Variants in HUNK observed in about 807,000 individuals in gnomAD.
HUNK encodes the protein hormonally up-regulated neu tumor-associated kinase.
A neutral mutation model predicts 61.0 loss-of-function variants in HUNK; 21 were observed. The ratio of observed to expected loss-of-function variants is 0.34; its 90% CI spans 0.24 to 0.50. The LOEUF (loss-of-function observed/expected upper bound fraction) is 0.50. Among genes scored for constraint, HUNK ranks in the 20% least tolerant of loss-of-function variants. The pLI, the probability that HUNK is intolerant of heterozygous loss-of-function variation, is 0.98. For synonymous variants in HUNK, 371 were observed against 386.1 expected, an observed-to-expected ratio of 0.96 and a Z score of 0.46; for missense variants, 772 against 945.7, an observed-to-expected ratio of 0.82 and a Z score of 2.41.
In HUNK at chr21:32,000,663, A is replaced by G. The variant is rs28438002; in HGVS notation, c.*1479A>G. 0.12 allele frequency: 46,821 copies of G among 398,942 alleles called. 3,174 individuals carry two copies. The highest frequency in any genetic ancestry group is 0.14 in the Non-Finnish European group (32,473 of 226,092). The allele number at this position is 398,942 out of a possible 1,614,324, so 24.7% of individuals were successfully genotyped here. ...CCACCTCAGATAGTCATCTCAGTCCAAGGATCCCAAAACACAAATCTAGAA... is the reference window on the plus strand; with the variant it reads ...CCACCTCAGATAGTCATCTCAGTCCGAGGATCCCAAAACACAAATCTAGAA... On this transcript the variant is annotated 3_prime_UTR_variant, in exon 11 of 11. Transcript: ENST00000270112.
chr21:31,876,437 T>G (rs1183955453), intron 1 of HUNK, among the ~76,000 whole-genome samples: 1 of 152,194 alleles, frequency 6.6e-6, no homozygotes, highest in Admixed American at 6.5e-5. Flanking sequence ...ACTAATAGAT[T>G]TGGGTTTTAG....
At chr21:31,983,449 T>A in intron 7 of HUNK, 77 bp from the exon 8 acceptor site, 1 of 1,202,156 alleles carries the variant, frequency 8.3e-7, no homozygotes, top group Non-Finnish European at 1.2e-6. Flanking sequence ...AAGCGCTGGT[T>A]TAAAAATTAA....
intron 6 of HUNK, among the ~76,000 whole-genome samples, chr21:31,973,964 C>T (rs1029547172): frequency 2.0e-5 from 3 of 152,134 alleles, no homozygotes; most frequent in Admixed American, 6.6e-5. Flanking sequence ...CCCACTTTGC[C>T]GCTGAGCCCT....
chr21:31,873,678 C>CCGG lies in HUNK; in HGVS notation c.14_16dup (p.Ala5dup). The CCGG allele has an allele frequency of 2.0e-6, 2 of 1,014,936 alleles. No homozygotes were observed. Among genetic ancestry groups the CCGG allele is most frequent in the South Asian group, 9.0e-5 (2 of 22,306 alleles). 62.9% of individuals were successfully genotyped at this position (1,014,936 alleles called of 1,614,324 possible). On this transcript the variant is annotated inframe_insertion, in exon 1 of 11. Transcript: ENST00000270112. The surrounding 1 kb of genome is among the most constrained non-coding windows in gnomAD (Gnocchi z 6.1). ...CGCGCGGGCCGCGGCGAGCGCGATG[C>CCGG]CGGCGGCGGCGGGGGACGGGCTCCT...
At chr21:31,880,671 T>A (rs935270880) in intron 1 of HUNK, among the ~76,000 whole-genome samples, 1 of 152,190 alleles carries the variant, frequency 6.6e-6, no homozygotes, top group South Asian at 2.1e-4. Context: ...ATCTACAAAG[T>A]CCCTATTTTC....
chr21:31,959,060 A>G, intron 5 of HUNK, 90 bp downstream of exon 5: 1 of 1,260,576 alleles, frequency 7.9e-7, no homozygotes, highest in South Asian at 1.7e-5. Context: ...TTTTGCAGTA[A>G]TGGTGTTATG....
At chr21:31,887,189 G>T (rs964219951) in intron 1 of HUNK, among the ~76,000 whole-genome samples, 2 of 152,188 alleles carry the variant, frequency 1.3e-5, no homozygotes, top group African/African-American at 4.8e-5. Context: ...AGGCACCTAG[G>T]TATCTGAGTG....
intron 4 of HUNK, among the ~76,000 whole-genome samples, chr21:31,950,152 A>G (rs1022186367): frequency 6.6e-6 from 1 of 152,194 alleles, no homozygotes; most frequent in African/African-American, 2.4e-5. Flanking sequence ...GTATTTTAAA[A>G]TGCTATAAAC....
At chr21:31,932,013 A>G (rs1601384635) in intron 2 of HUNK, among the ~76,000 whole-genome samples, 2 of 119,702 alleles carry the variant, frequency 1.7e-5, no homozygotes, top group Admixed American at 1.8e-4. Flanking sequence ...ATGTGCAAAC[A>G]TGTGTACATT....
chr21:31,919,194 G>A (rs531980763), intron 1 of HUNK, among the ~76,000 whole-genome samples: 1 of 151,274 alleles, frequency 6.6e-6, no homozygotes, highest in East Asian at 2.0e-4. Context: ...GGGCTGGACT[G>A]AGCGGTATGA....
At chr21:31,882,549 C>G (rs547594881) in intron 1 of HUNK, among the ~76,000 whole-genome samples, 1 of 152,242 alleles carries the variant, frequency 6.6e-6, no homozygotes, top group South Asian at 2.1e-4. Flanking sequence ...TTTATTGATA[C>G]ATAATATTTT....
Position 31,958,773 on chromosome 21 carries a change from G to A in HUNK, c.747-70G>A, listed in dbSNP as rs114171017. 507 of 1,446,302 alleles carry A rather than the reference G, an allele frequency of 3.5e-4. 1 individual carries two copies. In the African/African-American group the frequency reaches 6.5e-3, roughly 19 times the overall value. The allele number at this position is 1,446,302 out of a possible 1,614,324, so 89.6% of individuals were successfully genotyped here. On this transcript the variant is annotated intron_variant, in intron 4 of 10. Coordinates refer to ENST00000270112, the MANE Select transcript of HUNK (RefSeq NM_014586.2). Reference sequence around the variant, plus strand: ...GCAGCAGCTCCCACGCTTCGGTGAAGCCCGTGTCCCCAGTCTTCCCCTCCC... The same window carrying A: ...GCAGCAGCTCCCACGCTTCGGTGAAACCCGTGTCCCCAGTCTTCCCCTCCC...
Position 32,000,937 on chromosome 21 carries a change from T to C in HUNK, c.*1753T>C, listed in dbSNP as rs1568946813. On this transcript the variant is annotated 3_prime_UTR_variant, in exon 11 of 11. Coordinates refer to ENST00000270112, the MANE Select transcript of HUNK (RefSeq NM_014586.2). ...ACCCCTTGGCCATTGGTGTTATTTT[T>C]TGTATAGCTTCAGACTGGGTTCCAG... The C allele has an allele frequency of 7.6e-6, 3 of 392,894 alleles. No homozygotes were observed. The South Asian group carries it at 4.3e-4, about 56-fold the overall frequency. 24.3% of individuals were successfully genotyped at this position (392,894 alleles called of 1,614,324 possible).
In HUNK at chr21:31,990,210, G is replaced by A. The variant is rs145117363; in HGVS notation, c.1305+34G>A. The A allele has an allele frequency of 1.8e-4, 278 of 1,573,536 alleles. 1 individual carries two copies. In the African/African-American group the frequency reaches 3.1e-3, roughly 18 times the overall value. On this transcript the variant is annotated intron_variant, in intron 9 of 10. Coordinates refer to ENST00000270112, the MANE Select transcript of HUNK (RefSeq NM_014586.2). Reference sequence around the variant, plus strand: ...TTGGGGGATTATTATGTTAGTCAGGGTTCTCCAGAGAAACAGAACCAATAG... The same window carrying A: ...TTGGGGGATTATTATGTTAGTCAGGATTCTCCAGAGAAACAGAACCAATAG...
chr21:31,900,445 A>AC (rs1479300116), intron 1 of HUNK, among the ~76,000 whole-genome samples: 19 of 135,838 alleles, frequency 1.4e-4, no homozygotes, highest in Admixed American at 3.9e-4. Flanking sequence ...TTAGTTACTG[A>AC]AACACACACA....
At chr21:31,979,144 C>G (rs1328288204) in intron 7 of HUNK, among the ~76,000 whole-genome samples, 1 of 143,906 alleles carries the variant, frequency 6.9e-6, no homozygotes, top group African/African-American at 2.6e-5. Flanking sequence ...CGCTATGTCA[C>G]CAGGCTGGAG....
chr21:31,999,039 G>A lies in HUNK; in HGVS notation c.2000G>A (p.Gly667Asp). 6.2e-7 allele frequency: 1 copy of A among 1,614,210 alleles called. No individual in the cohort carries two copies. Among genetic ancestry groups the A allele is most frequent in the Non-Finnish European group, 8.5e-7 (1 of 1,180,048 alleles). ...AGCCGAGGCCGGTTCCCTATGATGG[G>A]CATCGGACAGATGTTAAGGAAGCGC... ...VKSRGRFPMM[G>D]IGQMLRKRHQ... Residue 667 changes from glycine (G) to aspartate (D), a missense_variant, in exon 11 of 11, where the codon GGC (glycine) becomes GAC (aspartate). Transcript: ENST00000270112.
At chr21:31,974,950 T>TG (rs2053038270) in intron 7 of HUNK, among the ~76,000 whole-genome samples, 1 of 152,062 alleles carries the variant, frequency 6.6e-6, no homozygotes, top group African/African-American at 2.4e-5. Context: ...TGGGCAGAAT[T>TG]GGGAGGGGTT....
chr21:31,958,777 G>A (rs1040461193), intron 4 of HUNK, 66 bp from the exon 5 acceptor site: 39 of 1,462,824 alleles, frequency 2.7e-5, no homozygotes, highest in East Asian at 1.4e-4. Context: ...GGTGAAGCCC[G>A]TGTCCCCAGT....
Sources: gnomAD v4.1 joint callset for allele counts (sites outside exome capture counted in the v4.1 genomes callset) on GRCh38, gnomAD v4.1.1 for gene constraint, Gnocchi (gnomAD v3.1) non-coding constraint, MANE v1.5 for transcripts, NCBI Gene and HGNC (gene_info 2026-07-23, HGNC 2026-07-21) for gene names.